FAM184B: variants seen among roughly 807,000 people sequenced by gnomAD.
FAM184B encodes the protein family with sequence similarity 184 member B.
FAM184B carries 111 observed loss-of-function variants against 135.9 expected under a neutral mutation model. The observed-to-expected ratio is 0.82, with a 90% CI of 0.70 to 0.96. The LOEUF (loss-of-function observed/expected upper bound fraction) is 0.96, where lower values mean the gene tolerates loss of function less well. FAM184B is among the 40% of genes least tolerant of loss of function. FAM184B has a pLI of 0.00. For synonymous variants in FAM184B, 552 were observed against 524.8 expected, an observed-to-expected ratio of 1.05 and a Z score of -0.71; for missense variants, 1,375 against 1,323.9, an observed-to-expected ratio of 1.04 and a Z score of -0.60.
At chr4:17,641,950 G>C in intron 13 of FAM184B, 106 bp downstream of exon 13, 1 of 1,414,438 alleles carries the variant, frequency 7.1e-7, no homozygotes, top group Non-Finnish European at 9.2e-7. Context: ...TGCCGAGGCA[G>C]TGACCCATTT....
intron 7 of FAM184B, among the ~76,000 whole-genome samples, chr4:17,674,158 A>G (rs549205366): frequency 3.9e-5 from 6 of 151,910 alleles, no homozygotes; most frequent in Admixed American, 3.3e-4. Flanking sequence ...TAGTGTGCAA[A>G]TCACTTTTAA....
In FAM184B at chr4:17,636,578, G is replaced by T; in HGVS notation, c.2734C>A (p.Arg912Ser). The T allele has an allele frequency of 1.9e-6, 3 of 1,551,126 alleles. No homozygotes were observed. Among genetic ancestry groups the T allele is most frequent in the Non-Finnish European group, 2.6e-6 (3 of 1,146,938 alleles). Reference sequence around the variant, plus strand: ...CTCTCCTTCAGGCGGGTCTGCAGGCGGCCAATGAGCTGAAGGTCCTCGGGC... The same window carrying T: ...CTCTCCTTCAGGCGGGTCTGCAGGCTGCCAATGAGCTGAAGGTCCTCGGGC... ...SRPEDLQLIG[R>S]LQTRLKERED... Residue 912 changes from arginine (R) to serine (S), a missense_variant, in exon 15 of 18, where the codon CGC (arginine) becomes AGC (serine). Physicochemically the swap from Arg to Ser is moderately radical, Grantham distance 110 (BLOSUM62 -1). Transcript: ENST00000265018.
rs945487762 is a variant in FAM184B at position 17,658,265 on chromosome 4, A to T, written c.2037+85T>A. The T allele has an allele frequency of 6.8e-6, 8 of 1,169,596 alleles. No individual in the cohort carries two copies. In the African/African-American group the frequency reaches 1.1e-4, roughly 16 times the overall value. The allele number at this position is 1,169,596 out of a possible 1,614,324, so 72.5% of individuals were successfully genotyped here. A position where few individuals can be genotyped will look rare whatever the true frequency, so the allele number is the denominator to read the frequency against. ...AAAGATGCTCGGGGGATTGGATGTC[A>T]TGTAGAAAAGGGACGGCTTTGTGCA... On this transcript the variant is annotated intron_variant, in intron 10 of 17. Transcript: ENST00000265018.
At chr4:17,643,239 T>A (rs956277002) in intron 12 of FAM184B, among the ~76,000 whole-genome samples, 1 of 152,214 alleles carries the variant, frequency 6.6e-6, no homozygotes, top group African/African-American at 2.4e-5. Flanking sequence ...AGACTCCACT[T>A]AGCTCAGCGG....
chr4:17,750,298 G>T (rs1299323318), intron 1 of FAM184B, among the ~76,000 whole-genome samples: 1 of 152,158 alleles, frequency 6.6e-6, no homozygotes, highest in South Asian at 2.1e-4. Context: ...AAAAATCATT[G>T]ACTTAATTCC....
At position 17,709,230 on chromosome 4, in the gene FAM184B, C is replaced by T; in HGVS notation, c.556G>A (p.Glu186Lys). Reference protein sequence around the residue: ...LPQESPETKSEPGQGPEMQEV... With the variant: ...LPQESPETKSKPGQGPEMQEV... ...TGCATCTCCGGGCCCTGGCCTGGCTCCGACTTGGTTTCAGGGCTCTCCTGG... is the reference window on the plus strand; with the variant it reads ...TGCATCTCCGGGCCCTGGCCTGGCTTCGACTTGGTTTCAGGGCTCTCCTGG... Residue 186 changes from glutamate to lysine, a missense_variant, in exon 2 of 18, where the codon GAG (glutamate) becomes AAG (lysine). Coordinates refer to ENST00000265018, the MANE Select transcript of FAM184B (RefSeq NM_015688.2). 6.5e-7 allele frequency: 1 copy of T among 1,547,132 alleles called. No homozygotes were observed. The highest frequency in any genetic ancestry group is 8.7e-7 in the Non-Finnish European group (1 of 1,145,138).
At chr4:17,699,787 G>T (rs1300105929) in intron 5 of FAM184B, among the ~76,000 whole-genome samples, 2 of 152,070 alleles carry the variant, frequency 1.3e-5, no homozygotes, top group Admixed American at 6.6e-5. Context: ...ATGGGAAAAT[G>T]ACCCTTTTTT....
At chr4:17,675,380 G>A (rs1716290023) in intron 7 of FAM184B, among the ~76,000 whole-genome samples, 2 of 151,832 alleles carry the variant, frequency 1.3e-5, no homozygotes, top group Non-Finnish European at 2.9e-5. Flanking sequence ...CTCAACACTG[G>A]GCTTGAAAAA....
chr4:17,650,264 A>C lies in FAM184B; in HGVS notation c.2192-2473T>G, dbSNP rs149199700. 2.8e-4 allele frequency among the ~76,000 whole-genome samples: 43 copies of C among 152,056 alleles called. No homozygotes were observed. The East Asian group carries it at 7.9e-3, about 28-fold the overall frequency. On this transcript the variant is annotated intron_variant, in intron 11 of 17. Coordinates refer to ENST00000265018, the MANE Select transcript of FAM184B (RefSeq NM_015688.2). ...ACACCCACCCTCCCTGCCCTCTCAC[A>C]GGGACCTATAGTATTGCAGGTCAGT...
intron 1 of FAM184B, among the ~76,000 whole-genome samples, chr4:17,766,763 C>G (rs567600261): frequency 6.6e-6 from 1 of 152,370 alleles, no homozygotes; most frequent in African/African-American, 2.4e-5. Flanking sequence ...GATCCCGCAC[C>G]GGGGCAGCAG....
intron 1 of FAM184B, among the ~76,000 whole-genome samples, chr4:17,739,189 G>C (rs1453606624): frequency 6.6e-6 from 1 of 152,192 alleles, no homozygotes; most frequent in Non-Finnish European, 1.5e-5. Context: ...AGGTGGATTT[G>C]ATTCTGGACA....
chr4:17,711,654 C>A (rs1455310109), intron 1 of FAM184B, among the ~76,000 whole-genome samples: 3 of 151,962 alleles, frequency 2.0e-5, no homozygotes, highest in Non-Finnish European at 4.4e-5. Context: ...CAGAGTGAGA[C>A]CCTGTTTCAA....
At chr4:17,725,987 C>T (rs1464137812) in intron 1 of FAM184B, among the ~76,000 whole-genome samples, 9 of 151,650 alleles carry the variant, frequency 5.9e-5, no homozygotes, top group African/African-American at 2.2e-4. Flanking sequence ...GCAGTGGCGC[C>T]ATCTCTGCTC....
At position 17,631,030 on chromosome 4, in the gene FAM184B, G is replaced by A. The variant is rs1028248928; in HGVS notation, c.*1502C>T. On this transcript the variant is annotated 3_prime_UTR_variant, in exon 18 of 18. Transcript: ENST00000265018. The stretch of plus-strand genomic sequence containing the variant: ...ATTTTGCCCCCTAAAAGTTGTTATT[G>A]AGTCTTGTCAAATCACATTGCTCTG... The A allele has an allele frequency of 2.0e-5, 3 of 152,162 alleles. No individual in the cohort carries two copies. The highest frequency in any genetic ancestry group is 7.2e-5 in the African/African-American group (3 of 41,426). 9.4% of individuals were successfully genotyped at this position (152,162 alleles called of 1,614,324 possible). A position where few individuals can be genotyped will look rare whatever the true frequency, so the allele number is the denominator to read the frequency against.
intron 1 of FAM184B, among the ~76,000 whole-genome samples, 181 bp from the exon 2 acceptor site, chr4:17,709,825 A>C (rs1717216016): frequency 6.6e-6 from 1 of 152,204 alleles, no homozygotes; most frequent in Non-Finnish European, 1.5e-5. Context: ...AGAGAGCTGC[A>C]AAGTGCGACA....
rs1020774620 is a variant in FAM184B, at chr4:17,646,447, G to A, written c.2346+1190C>T. Among the ~76,000 whole-genome samples the A allele has an allele frequency of 1.3e-4, 20 of 152,220 alleles. No individual in the cohort carries two copies. The East Asian group carries it at 2.3e-3, about 18-fold the overall frequency. ...CCTTTGTAGGGACATGGATGAAGCTGGAAACCATCATTCTCAGCAAAATAT... is the reference window on the plus strand; with the variant it reads ...CCTTTGTAGGGACATGGATGAAGCTAGAAACCATCATTCTCAGCAAAATAT... On this transcript the variant is annotated intron_variant, in intron 12 of 17. Coordinates refer to ENST00000265018, the MANE Select transcript of FAM184B (RefSeq NM_015688.2).
intron 3 of FAM184B, among the ~76,000 whole-genome samples, 166 bp from the exon 4 acceptor site, chr4:17,706,057 C>A (rs1681394375): frequency 1.3e-5 from 2 of 152,212 alleles, no homozygotes; most frequent in Non-Finnish European, 2.9e-5. Context: ...GTCAAGGTAG[C>A]AATTCTCATC....
In FAM184B at chr4:17,677,238, G is replaced by A. The variant is rs1045356593; in HGVS notation, c.1596+11186C>T. Among the ~76,000 whole-genome samples, 28 of 152,166 alleles carry A rather than the reference G, an allele frequency of 1.8e-4. 1 individual carries two copies. Among genetic ancestry groups the A allele is most frequent in the Admixed American group, 1.8e-3 (28 of 15,286 alleles). ...AATTTTTGTATTTTTTGTAGAGATGGGGTTTTGCCGTGTTGCCCAGGCTAG... is the reference window on the plus strand; with the variant it reads ...AATTTTTGTATTTTTTGTAGAGATGAGGTTTTGCCGTGTTGCCCAGGCTAG... On this transcript the variant is annotated intron_variant, in intron 7 of 17. Coordinates refer to ENST00000265018, the MANE Select transcript of FAM184B (RefSeq NM_015688.2).
intron 1 of FAM184B, among the ~76,000 whole-genome samples, chr4:17,743,236 C>A (rs890515141): frequency 6.6e-6 from 1 of 152,204 alleles, no homozygotes; most frequent in Non-Finnish European, 1.5e-5. Context: ...GTTGATGGAT[C>A]CACCAGGCCA....
Sources: gnomAD v4.1 joint callset for allele counts (sites outside exome capture counted in the v4.1 genomes callset) on GRCh38, gnomAD v4.1.1 for gene constraint, MANE v1.5 for transcripts, NCBI Gene and HGNC (gene_info 2026-07-23, HGNC 2026-07-21) for gene names.